The following CEP112 variants were observed in gnomAD, a reference collection of about 807,000 sequenced individuals.
CEP112 encodes centrosomal protein 112.
In CEP112, 127 loss-of-function variants were observed where a neutral mutation model predicts 153.0. The ratio of observed to expected loss-of-function variants is 0.83; its 90% CI spans 0.72 to 0.96. CEP112 has a LOEUF of 0.96. Ranked by LOEUF, CEP112 falls within the 40% of genes least tolerant of loss-of-function variation. CEP112 has a pLI of 0.00. For missense variants in CEP112, 1,089 were observed against 1,101.2 expected, an observed-to-expected ratio of 0.99 and a Z score of 0.16; for synonymous variants, 358 against 374.4, an observed-to-expected ratio of 0.96 and a Z score of 0.51.
chr17:66,134,508 T>C (rs1165663102), intron 4 of CEP112, among the ~76,000 whole-genome samples: 2 of 152,170 alleles, frequency 1.3e-5, no homozygotes, highest in Non-Finnish European at 2.9e-5. Context: ...ACATTAGAGA[T>C]AGTAGTTTAA....
intron 17 of CEP112, among the ~76,000 whole-genome samples, chr17:65,970,402 A>ATGTAAATTACATGCG (rs1568313913): frequency 8.1e-6 from 1 of 124,050 alleles, no homozygotes; most frequent in African/African-American, 2.9e-5. Context: ...ACATGCATGC[A>ATGTAAATTACATGCG]CACATCATGC....
At chr17:66,135,851 A>T (rs1208659458) in intron 4 of CEP112, among the ~76,000 whole-genome samples, 2 of 152,072 alleles carry the variant, frequency 1.3e-5, no homozygotes, top group Non-Finnish European at 2.9e-5. Flanking sequence ...ATAGATATAG[A>T]TATAGATATA....
chr17:66,134,089 ATGTCATACTAAGCAG>A (rs2070325196), intron 4 of CEP112, among the ~76,000 whole-genome samples: 1 of 152,126 alleles, frequency 6.6e-6, no homozygotes, highest in Admixed American at 6.5e-5. Flanking sequence ...GTAACCTGAT[ATGTCATACTAAGCAG>A]TGGCGTATTC....
intron 17 of CEP112, among the ~76,000 whole-genome samples, chr17:65,973,115 A>C (rs2062908284): frequency 6.6e-6 from 1 of 152,210 alleles, no homozygotes; most frequent in South Asian, 2.1e-4. Flanking sequence ...CAAAATTACT[A>C]AAAAGTGATC....
chr17:66,063,039 T>C lies in CEP112; in HGVS notation c.998A>G (p.Lys333Arg). Residue 333 changes from lysine (K) to arginine (R), a missense_variant, in exon 11 of 27, where the codon AAA becomes AGA. Physicochemically the swap from Lys to Arg is conservative, Grantham distance 26. Coordinates refer to ENST00000535342, the MANE Select transcript of CEP112 (RefSeq NM_001199165.4). ...IRDCQVIRET[K>R]EDQIAELKKI... ...TTTCAGCTCTGCAATCTGGTCTTCT[T>C]TAGTCTCTCTGATAACTTGACAGTC... 1.3e-6 allele frequency: 2 copies of C among 1,597,458 alleles called. No homozygotes were observed. Among genetic ancestry groups the C allele is most frequent in the African/African-American group, 1.3e-5 (1 of 74,406 alleles).
At chr17:65,901,900 A>G (rs370620332) in intron 20 of CEP112, among the ~76,000 whole-genome samples, 1 of 141,374 alleles carries the variant, frequency 7.1e-6, no homozygotes, top group African/African-American at 2.7e-5. Context: ...ATCATAAAAA[A>G]GGGGGCCAAG....
chr17:66,096,602 G>C lies in CEP112; in HGVS notation c.673C>G (p.Pro225Ala), dbSNP rs1177832565. 6.3e-7 allele frequency: 1 copy of C among 1,594,380 alleles called. No individual in the cohort carries two copies. Among genetic ancestry groups the C allele is most frequent in the African/African-American group, 1.3e-5 (1 of 74,588 alleles). ...IENPRYLRQK[P>A]IPVSLMTPKF... ...TCACATACCAGAGAAACTGGGATAG[G>C]CTTCTGTCTCAGGTATCGAGGATTT... The change falls in exon 7 of 27, where the codon CCT (proline) becomes GCT (alanine). Residue 225 changes from proline (P) to alanine (A), a missense_variant. Coordinates refer to ENST00000535342, the MANE Select transcript of CEP112 (RefSeq NM_001199165.4).
At chr17:66,092,803 A>T (rs1266068691) in intron 8 of CEP112, among the ~76,000 whole-genome samples, 3 of 152,226 alleles carry the variant, frequency 2.0e-5, no homozygotes, top group African/African-American at 7.2e-5. Context: ...TGGAAAAAGC[A>T]TTTACAAAAT....
At chr17:65,819,359 A>C (rs943362669) in intron 21 of CEP112, among the ~76,000 whole-genome samples, 1 of 152,092 alleles carries the variant, frequency 6.6e-6, no homozygotes, top group South Asian at 2.1e-4. Flanking sequence ...AATAAAAACC[A>C]AAAACCCCAC....
chr17:65,998,433 G>T (rs2063880068), intron 17 of CEP112, among the ~76,000 whole-genome samples: 1 of 147,894 alleles, frequency 6.8e-6, no homozygotes, highest in East Asian at 2.0e-4. Context: ...GAACTGTGGT[G>T]ATGGTTACAA....
chr17:65,646,331 T>C (rs2045431876), intron 24 of CEP112, among the ~76,000 whole-genome samples: 1 of 152,240 alleles, frequency 6.6e-6, no homozygotes, highest in South Asian at 2.1e-4. Context: ...CTGGAAAATA[T>C]GAAATTACCT....
intron 6 of CEP112, among the ~76,000 whole-genome samples, chr17:66,113,598 C>T (rs2069154531): frequency 6.6e-6 from 1 of 152,190 alleles, no homozygotes; most frequent in Non-Finnish European, 1.5e-5. Flanking sequence ...CTATTTCAAC[C>T]TCTTCATCTT....
intron 6 of CEP112, among the ~76,000 whole-genome samples, chr17:66,111,496 T>C (rs189450996): frequency 9.8e-4 from 149 of 152,264 alleles, no homozygotes; most frequent in Non-Finnish European, 1.5e-4. Context: ...ATACTGTACA[T>C]ATACCCACGG....
intron 21 of CEP112, among the ~76,000 whole-genome samples, chr17:65,836,032 G>C (rs900768750): frequency 6.6e-6 from 1 of 152,190 alleles, no homozygotes; most frequent in Non-Finnish European, 1.5e-5. Context: ...TGTGTTCAAA[G>C]TTAAGTCACT....
At chr17:65,925,815 G>C (rs2060901133) in intron 19 of CEP112, among the ~76,000 whole-genome samples, 1 of 152,102 alleles carries the variant, frequency 6.6e-6, no homozygotes, top group South Asian at 2.1e-4. Context: ...ATTTCCCATA[G>C]CAATGTTCCA....
intron 4 of CEP112, among the ~76,000 whole-genome samples, chr17:66,173,044 G>A (rs1454552152): frequency 6.6e-6 from 1 of 152,148 alleles, no homozygotes; most frequent in Non-Finnish European, 1.5e-5. Flanking sequence ...CAGACGCACA[G>A]GCTGTGCCCA....
intron 18 of CEP112, among the ~76,000 whole-genome samples, chr17:65,942,542 G>C (rs1239132124): frequency 6.6e-6 from 1 of 152,190 alleles, no homozygotes; most frequent in East Asian, 1.9e-4. Context: ...AAAAGGAAGG[G>C]TAAAGGGTGA....
chr17:65,829,156 T>C (rs1337240220), intron 21 of CEP112, among the ~76,000 whole-genome samples: 1 of 152,208 alleles, frequency 6.6e-6, no homozygotes, highest in African/African-American at 2.4e-5. Flanking sequence ...GCATTTTCTT[T>C]ATTACTTATG....
chr17:65,752,923 C>T (rs996205492), intron 21 of CEP112, among the ~76,000 whole-genome samples: 3 of 152,180 alleles, frequency 2.0e-5, no homozygotes, highest in South Asian at 4.1e-4. Context: ...GTCTCATCTG[C>T]AGAGGTTCTG....
Sources: gnomAD v4.1 joint callset for allele counts (sites outside exome capture counted in the v4.1 genomes callset) on GRCh38, gnomAD v4.1.1 for gene constraint, MANE v1.5 for transcripts, NCBI Gene and HGNC (gene_info 2026-07-23, HGNC 2026-07-21) for gene names.